The following PREX1 variants were observed in gnomAD, a reference collection of about 807,000 sequenced individuals.
PREX1 encodes the protein phosphatidylinositol-3,4,5-trisphosphate dependent Rac exchange factor 1, also known as phosphatidylinositol 3,4,5-trisphosphate-dependent Rac exchanger 1 protein.
A neutral mutation model predicts 198.3 loss-of-function variants in PREX1; 41 were observed. The ratio of observed to expected loss-of-function variants is 0.21; its 90% confidence interval spans 0.16 to 0.27. The LOEUF (loss-of-function observed/expected upper bound fraction) is 0.27. Ranked by LOEUF, PREX1 falls within the 10% of genes least tolerant of loss-of-function variation. The pLI is 1.00. For synonymous variants in PREX1, 843 were observed against 887.2 expected, an observed-to-expected ratio of 0.95 and a Z score of 0.89; for missense variants, 1,620 against 2,200.7, an observed-to-expected ratio of 0.74 and a Z score of 5.28.
chr20:48,749,952 C>G (rs2090126999), intron 1 of PREX1, among the ~76,000 whole-genome samples: 1 of 151,996 alleles, frequency 6.6e-6, no homozygotes, highest in East Asian at 1.9e-4. Context: ...CTGGACTTCT[C>G]CCCTGAAACC....
At chr20:48,854,680 C>T in the PREX1 span, among the ~76,000 whole-genome samples, 1 of 152,224 alleles carries the variant, frequency 6.6e-6, no homozygotes, top group Non-Finnish European at 1.5e-5. Context: ...ATCACCATCA[C>T]CATTACGATC....
chr20:48,745,582 A>G (rs1001057806), intron 2 of PREX1, among the ~76,000 whole-genome samples: 1 of 152,254 alleles, frequency 6.6e-6, no homozygotes, highest in Non-Finnish European at 1.5e-5. Context: ...TGAAATTACA[A>G]GTATATTTCC....
At position 48,658,240 on chromosome 20, in the gene PREX1, G is replaced by C; in HGVS notation, c.1882-12C>G. ...TCCTGGGGCAGGATCTGGGGGCCCA[G>C]GGCAGAAGGAACCCGGTCAGGGAGC... is the stretch of plus-strand genomic sequence containing the variant. On this transcript the variant is annotated splice_polypyrimidine_tract_variant and intron_variant, in intron 16 of 39. Transcript: ENST00000371941. 6.2e-7 allele frequency: 1 copy of C among 1,613,528 alleles called. No individual in the cohort carries two copies. The highest frequency in any genetic ancestry group is 8.5e-7 in the Non-Finnish European group (1 of 1,179,670).
chr20:48,718,357 A>T (rs770436166), intron 5 of PREX1, among the ~76,000 whole-genome samples: 12 of 152,232 alleles, frequency 7.9e-5, no homozygotes, highest in Non-Finnish European at 1.6e-4. Context: ...GGTAGTGGTG[A>T]TGATAGCTAT....
intron 3 of PREX1, among the ~76,000 whole-genome samples, chr20:48,743,900 G>GC (rs1381858452): frequency 1.3e-5 from 2 of 152,134 alleles, no homozygotes; most frequent in Non-Finnish European, 2.9e-5. Flanking sequence ...CATGAGACTT[G>GC]CCCCCCATTG....
rs955724724 is a variant in PREX1, at chr20:48,625,566, C to T, written c.*319G>A. On this transcript the variant is annotated 3_prime_UTR_variant, in exon 40 of 40. Coordinates refer to ENST00000371941, the MANE Select transcript of PREX1 (RefSeq NM_020820.4). ...GGGTGGCCCCATGTGGCCTCCATGA[C>T]GTTCCCTTGGGTTCTGGGGACGCAG... is the stretch of plus-strand genomic sequence containing the variant. 1.2e-5 allele frequency: 4 copies of T among 327,658 alleles called. No homozygotes were observed. The East Asian group carries it at 1.7e-4, about 14-fold the overall frequency. The allele number at this position is 327,658 out of a possible 1,614,324, so 20.3% of individuals were successfully genotyped here. A position where few individuals can be genotyped will look rare whatever the true frequency, so the allele number is the denominator to read the frequency against.
chr20:48,715,050 T>C (rs1222435656), intron 5 of PREX1, among the ~76,000 whole-genome samples: 3 of 152,110 alleles, frequency 2.0e-5, no homozygotes, highest in African/African-American at 4.8e-5. Flanking sequence ...TAAATCAGAA[T>C]AGAGTCACAT....
chr20:48,708,510 C>A lies in PREX1; in HGVS notation c.622-89G>T, dbSNP rs1158112767. 2.9e-6 allele frequency: 4 copies of A among 1,392,578 alleles called. No individual in the cohort carries two copies. The Admixed American group carries it at 6.2e-5, about 21-fold the overall frequency. The allele number at this position is 1,392,578 out of a possible 1,614,324, so 86.3% of individuals were successfully genotyped here. A position where few individuals can be genotyped will look rare whatever the true frequency, so the allele number is the denominator to read the frequency against. On this transcript the variant is annotated intron_variant, in intron 5 of 39. Transcript: ENST00000371941. ...CCAGAGCTGAACCCAAGAAAACAGACAAAAACTCCTCGCCTGGTGGACATT... is the reference window on the plus strand; with the variant it reads ...CCAGAGCTGAACCCAAGAAAACAGAAAAAAACTCCTCGCCTGGTGGACATT...
chr20:48,714,558 A>G (rs117707358), intron 5 of PREX1, among the ~76,000 whole-genome samples: 2,445 of 152,346 alleles, frequency 0.016, 40 homozygotes, highest in Middle Eastern at 0.041. Context: ...AACCAAAATG[A>G]GATACCACTT....
intron 3 of PREX1, among the ~76,000 whole-genome samples, chr20:48,742,155 C>T (rs1007131346): frequency 1.7e-4 from 26 of 152,164 alleles, no homozygotes; most frequent in Non-Finnish European, 1.2e-4. Context: ...GGGAGCCCTG[C>T]TGAGGTGCAG....
chr20:48,816,383 A>G (rs759679107), intron 1 of PREX1, among the ~76,000 whole-genome samples: 6 of 152,226 alleles, frequency 3.9e-5, no homozygotes, highest in Non-Finnish European at 8.8e-5. Context: ...TTCCCATTTC[A>G]TGTAAGTGGG....
Position 48,741,336 on chromosome 20 carries a change from AT to A in PREX1, c.414+3688del, listed in dbSNP as rs529633460. 1.6e-4 allele frequency among the ~76,000 whole-genome samples: 24 copies of A among 148,248 alleles called. No homozygotes were observed. In the South Asian group the frequency reaches 2.5e-3, roughly 15 times the overall value. ...AGAGGGCAAGTGAGCTTGGGGCTCG[AT>A]TTTTTTTTTATTTTATTTTTTGTTT... is the stretch of plus-strand genomic sequence containing the variant. On this transcript the variant is annotated intron_variant, in intron 3 of 39. Coordinates refer to ENST00000371941, the MANE Select transcript of PREX1 (RefSeq NM_020820.4).
chr20:48,856,749 A>G, the PREX1 span, among the ~76,000 whole-genome samples: 9 of 152,370 alleles, frequency 5.9e-5, no homozygotes, highest in South Asian at 1.9e-3. Context: ...AATGTGTTAA[A>G]TGGCCAGTTT....
intron 30 of PREX1, among the ~76,000 whole-genome samples, 153 bp from the exon 31 acceptor site, chr20:48,637,905 TATTG>T (rs1222013339): frequency 3.3e-5 from 5 of 152,184 alleles, no homozygotes; most frequent in South Asian, 2.1e-4. Flanking sequence ...AAGGAGGTTT[TATTG>T]ATTGTCAGGT....
chr20:48,725,773 C>T (rs752647660), intron 5 of PREX1, among the ~76,000 whole-genome samples: 5 of 152,228 alleles, frequency 3.3e-5, no homozygotes, highest in African/African-American at 4.8e-5. Flanking sequence ...CACTGCCCTG[C>T]TCACTGTCAT....
Position 48,681,323 on chromosome 20 carries a change from G to A in PREX1, c.1347C>T (p.Ala449=), listed in dbSNP as rs763936045. 3.1e-6 allele frequency: 5 copies of A among 1,614,080 alleles called. No individual in the cohort carries two copies. Among genetic ancestry groups the A allele is most frequent in the Non-Finnish European group, 4.2e-6 (5 of 1,180,036 alleles). The change falls in exon 11 of 40, where the codon GCC becomes GCT. Residue 449 remains alanine (A), a synonymous_variant. Coordinates refer to ENST00000371941, the MANE Select transcript of PREX1 (RefSeq NM_020820.4). ...TGATTTCACCAATTTCTAGGAGCCA[G>A]GCAACGAACTCACTGCCAGGAACAC... is the stretch of plus-strand genomic sequence containing the variant. ...PKCFLGNEFV[A]WLLEIGEISK...
chr20:48,807,919 C>G (rs894264296), intron 1 of PREX1, among the ~76,000 whole-genome samples: 2 of 152,106 alleles, frequency 1.3e-5, no homozygotes, highest in Admixed American at 6.5e-5. Flanking sequence ...GCTGTCCACT[C>G]AGGGGGCCCT....
intron 4 of PREX1, among the ~76,000 whole-genome samples, chr20:48,731,869 A>C (rs1220702051): frequency 1.3e-5 from 2 of 152,180 alleles, no homozygotes; most frequent in Non-Finnish European, 2.9e-5. Context: ...AGAAAGAAAG[A>C]AGTCAGTCCT....
chr20:48,685,499 T>G (rs539184308), intron 10 of PREX1, among the ~76,000 whole-genome samples: 1 of 152,324 alleles, frequency 6.6e-6, no homozygotes, highest in East Asian at 1.9e-4. Flanking sequence ...AGGCACATTT[T>G]ATTATCTCCC....
Sources: allele counts gnomAD v4.1 joint callset (sites outside exome capture counted in the v4.1 genomes callset), GRCh38; gene constraint gnomAD v4.1.1; transcripts MANE v1.5; gene names NCBI Gene and HGNC (gene_info 2026-07-23, HGNC 2026-07-21).